The following PCDHA13 variants were observed in gnomAD, a reference collection of about 807,000 sequenced individuals.
The protein encoded by PCDHA13 is protocadherin alpha 13.
Under a neutral mutation model 64.8 loss-of-function variants are expected in PCDHA13, and 54 were observed. The observed-to-expected ratio is 0.83, with a 90% CI of 0.67 to 1.04. The LOEUF (loss-of-function observed/expected upper bound fraction) is 1.04. Ranked by LOEUF, PCDHA13 falls within the 50% of genes least tolerant of loss-of-function variation. PCDHA13 has a pLI of 0.00. For missense variants in PCDHA13, 1,248 were observed against 1,254.3 expected (o/e 0.99, Z 0.08); for synonymous variants, 587 against 564.4 (o/e 1.04, Z -0.57).
At chr5:140,993,894 A>G (rs1267639459) in intron 3 of PCDHA13, among the ~76,000 whole-genome samples, 2 of 152,204 alleles carry the variant, frequency 1.3e-5, no homozygotes, top group African/African-American at 4.8e-5. Flanking sequence ...TGATGTCCAT[A>G]CAACAAAAAT....
intron 1 of PCDHA13, among the ~76,000 whole-genome samples, chr5:140,947,744 TG>T (rs1227312993): frequency 6.6e-6 from 1 of 151,630 alleles, no homozygotes; most frequent in Non-Finnish European, 1.5e-5. Flanking sequence ...CCTATTCTTA[TG>T]TATTTTATGG....
chr5:140,926,799 T>A, intron 1 of PCDHA13: 2 of 1,456,322 alleles, frequency 1.4e-6, no homozygotes, highest in Non-Finnish European at 1.8e-6. Flanking sequence ...GAGCGTGCTC[T>A]TCCCCGCGGC....
chr5:140,967,334 A>T, intron 1 of PCDHA13: 1 of 1,608,228 alleles, frequency 6.2e-7, no homozygotes, highest in South Asian at 1.1e-5. Flanking sequence ...GCTCAGCCCC[A>T]GCGAGCACTT....
At chr5:140,967,207 T>G (rs376266648) in intron 1 of PCDHA13, 16 of 1,613,648 alleles carry the variant, frequency 9.9e-6, no homozygotes, top group Non-Finnish European at 1.1e-5. Flanking sequence ...ACTCACCGCG[T>G]TTCCCGCGGC....
chr5:140,887,880 G>A (rs2061617016), intron 1 of PCDHA13, among the ~76,000 whole-genome samples: 1 of 151,970 alleles, frequency 6.6e-6, no homozygotes, highest in African/African-American at 2.4e-5. Flanking sequence ...TCCTTTTGTA[G>A]TATCATATCT....
chr5:140,924,754 G>T (rs1332624356), intron 1 of PCDHA13, among the ~76,000 whole-genome samples: 1 of 151,848 alleles, frequency 6.6e-6, no homozygotes, highest in African/African-American at 2.4e-5. Flanking sequence ...AATTAACCGA[G>T]CATGGTGGTG....
At chr5:140,926,987 G>A (rs782407289) in intron 1 of PCDHA13, 13 of 1,610,996 alleles carry the variant, frequency 8.1e-6, no homozygotes, top group Non-Finnish European at 1.1e-5. Flanking sequence ...GAGACGGAGC[G>A]GGGCGTAGCC....
At chr5:140,903,329 G>A (rs2070195936) in intron 1 of PCDHA13, among the ~76,000 whole-genome samples, 1 of 152,160 alleles carries the variant, frequency 6.6e-6, no homozygotes, top group Non-Finnish European at 1.5e-5. Context: ...TTTTATTGAG[G>A]AAAGGATGCA....
chr5:140,950,749 C>G (rs1202993675), intron 1 of PCDHA13, among the ~76,000 whole-genome samples: 5 of 152,002 alleles, frequency 3.3e-5, no homozygotes, highest in African/African-American at 4.8e-5. Flanking sequence ...TTCTCTCTAT[C>G]CTTTCTGGAC....
intron 1 of PCDHA13, among the ~76,000 whole-genome samples, chr5:140,975,946 A>T (rs989122714): frequency 6.6e-6 from 1 of 152,210 alleles, no homozygotes; most frequent in Non-Finnish European, 1.5e-5. Context: ...AATAGGACAT[A>T]TTAGAGTTCT....
At chr5:140,937,911 CAAA>C (rs200797202) in intron 1 of PCDHA13, among the ~76,000 whole-genome samples, 2 of 117,898 alleles carry the variant, frequency 1.7e-5, no homozygotes, top group Non-Finnish European at 1.9e-5. Context: ...GACTCCGTCT[CAAA>C]AAAAAAAAAA....
intron 1 of PCDHA13, among the ~76,000 whole-genome samples, chr5:140,965,126 A>C (rs540121719): frequency 7.9e-5 from 12 of 152,372 alleles, no homozygotes; most frequent in African/African-American, 2.6e-4. Flanking sequence ...GAAGATCTAC[A>C]GATGACAGAA....
rs1563376756 is a variant in PCDHA13, at chr5:140,968,306, C to G, written c.2395-10643C>G. 1.9e-6 allele frequency: 3 copies of G among 1,613,808 alleles called. No individual in the cohort carries two copies. The highest frequency in any genetic ancestry group is 2.5e-6 in the Non-Finnish European group (3 of 1,179,908). On this transcript the variant is annotated intron_variant, in intron 1 of 3. Transcript: ENST00000289272. ...CTACTCCCTTCTGGAGAGGGAGATT[C>G]AAGGGCTGCCAGTCACCTCCTATGT... is the stretch of plus-strand genomic sequence containing the variant.
chr5:140,977,681 A>G (rs1363970729), intron 1 of PCDHA13, among the ~76,000 whole-genome samples: 2 of 152,208 alleles, frequency 1.3e-5, no homozygotes, highest in African/African-American at 4.8e-5. Context: ...AATATCATGT[A>G]GCCATCCAGA....
rs782019323 is a variant in PCDHA13, at chr5:140,884,233, T to A, written c.1965T>A (p.Gly655=). ...HRLLVLVKDH[G]EPALTATATV... is the part of the protein sequence containing the mutation. ...TTCTGGTGCTGGTGAAGGACCACGG[T>A]GAGCCCGCGCTGACGGCCACGGCAA... Residue 655 remains glycine, a synonymous_variant, in exon 1 of 4, where the codon GGT becomes GGA. Transcript: ENST00000289272. 1 of 1,613,364 alleles carries A rather than the reference T, an allele frequency of 6.2e-7. No individual in the cohort carries two copies.
intron 1 of PCDHA13, among the ~76,000 whole-genome samples, chr5:140,950,183 GA>G (rs879992336): frequency 5.9e-5 from 9 of 151,666 alleles, no homozygotes; most frequent in African/African-American, 1.7e-4. Context: ...AATTAAGAAG[GA>G]AAAAAATAGT....
intron 1 of PCDHA13, among the ~76,000 whole-genome samples, chr5:140,973,765 G>A (rs1326498499): frequency 6.6e-6 from 1 of 152,230 alleles, no homozygotes; most frequent in African/African-American, 2.4e-5. Context: ...GACACAGCCT[G>A]GCATATTATA....
At chr5:140,911,464 A>T (rs1300349898) in intron 1 of PCDHA13, among the ~76,000 whole-genome samples, 2 of 152,144 alleles carry the variant, frequency 1.3e-5, no homozygotes, top group African/African-American at 2.4e-5. Flanking sequence ...TCTACAGGAG[A>T]TAAGACTCTC....
At chr5:140,913,212 T>G (rs113766408) in intron 1 of PCDHA13, among the ~76,000 whole-genome samples, 11,533 of 152,278 alleles carry the variant, frequency 0.076, 607 homozygotes, top group Non-Finnish European at 0.12. Flanking sequence ...AGCCAATGGG[T>G]CCCAGGCTTT....
Sources: allele counts gnomAD v4.1 joint callset (sites outside exome capture counted in the v4.1 genomes callset), GRCh38; gene constraint gnomAD v4.1.1; transcripts MANE v1.5; gene names NCBI Gene and HGNC (gene_info 2026-07-23, HGNC 2026-07-21).